Variants in PCSK6 observed in about 807,000 individuals in gnomAD.
PCSK6 encodes paired basic amino acid cleaving enzyme 4.
Under a neutral mutation model 123.3 loss-of-function variants are expected in PCSK6, and 85 were observed. The observed-to-expected ratio is 0.69, with a 90% CI of 0.58 to 0.83. The LOEUF is 0.83. PCSK6 is among the 40% of genes least tolerant of loss of function. The pLI is 0.00. For missense variants in PCSK6, 1,191 were observed against 1,282.3 expected (o/e 0.93, Z 1.09); for synonymous variants, 508 against 516.0 (o/e 0.98, Z 0.21).
intron 1 of PCSK6, among the ~76,000 whole-genome samples, chr15:101,470,951 C>T (rs745698866): frequency 2.0e-5 from 3 of 152,176 alleles, no homozygotes; most frequent in Non-Finnish European, 2.9e-5. Flanking sequence ...GGAGCAAGAC[C>T]GAGAAGATAA....
At chr15:101,337,895 A>G (rs1246718526) in intron 13 of PCSK6, among the ~76,000 whole-genome samples, 1 of 152,238 alleles carries the variant, frequency 6.6e-6, no homozygotes, top group Non-Finnish European at 1.5e-5. Context: ...ATGATAGGTT[A>G]TGACAGAACG....
intron 2 of PCSK6, among the ~76,000 whole-genome samples, chr15:101,442,299 G>T (rs777189693): frequency 6.6e-6 from 1 of 152,048 alleles, no homozygotes; most frequent in Non-Finnish European, 1.5e-5. Flanking sequence ...TATCTCGTTC[G>T]ACTTATCCGT....
At chr15:101,449,176 T>C (rs1288988845) in intron 1 of PCSK6, among the ~76,000 whole-genome samples, 1 of 152,224 alleles carries the variant, frequency 6.6e-6, no homozygotes, top group Non-Finnish European at 1.5e-5. Context: ...CATATTTGCA[T>C]ACAACCTACA....
chr15:101,400,854 A>G (rs2042566100), intron 6 of PCSK6, among the ~76,000 whole-genome samples: 1 of 152,252 alleles, frequency 6.6e-6, no homozygotes, highest in Non-Finnish European at 1.5e-5. Context: ...ATTTCGCTGC[A>G]GTAAATTCTT....
chr15:101,318,475 G>A (rs1432773795), intron 18 of PCSK6, 53 bp from the exon 19 acceptor site: 1 of 1,417,778 alleles, frequency 7.1e-7, no homozygotes, highest in Non-Finnish European at 9.8e-7. Flanking sequence ...GTCTAATTAT[G>A]ACTTGCCCTC....
chr15:101,484,222 C>T (rs992539225), intron 1 of PCSK6, among the ~76,000 whole-genome samples: 2 of 152,162 alleles, frequency 1.3e-5, no homozygotes, highest in Non-Finnish European at 2.9e-5. Flanking sequence ...TAAAGCAGTA[C>T]ACTGCAGATA....
At chr15:101,312,575 A>C (rs545455634) in intron 20 of PCSK6, among the ~76,000 whole-genome samples, 5 of 152,374 alleles carry the variant, frequency 3.3e-5, no homozygotes, top group African/African-American at 1.2e-4. Context: ...TCACACCCGT[A>C]ATCCCAGCAC....
chr15:101,318,609 G>T (rs2040048111), intron 18 of PCSK6, among the ~76,000 whole-genome samples, 187 bp from the exon 19 acceptor site: 1 of 152,230 alleles, frequency 6.6e-6, no homozygotes, highest in Admixed American at 6.5e-5. Flanking sequence ...GCAGGAAGGG[G>T]TACAAGGCCC....
chr15:101,443,644 T>A lies in PCSK6; in HGVS notation c.314A>T (p.Asp105Val), dbSNP rs754269706. Residue 105 changes from aspartate (D) to valine (V), a missense_variant, in exon 2 of 22, where the codon GAT (aspartate) becomes GTT (valine). By Grantham distance (152) the Asp-to-Val change is radical (BLOSUM62 -3). This residue lies in a region of PCSK6 where 204 missense variants were observed against 166.4 expected (regional missense o/e 1.23). Coordinates refer to ENST00000611716, the MANE Select transcript of PCSK6 (RefSeq NM_002570.5). ...LNLGQIGNLEDYYHFYHSKTF... is the reference protein window; with the variant it reads ...LNLGQIGNLEVYYHFYHSKTF... Reference sequence around the variant, plus strand: ...TTTGCTGTGATAAAAATGGTAGTAATCTTCCAGGTTTCCAATCTGCAAGAC... The same window carrying A: ...TTTGCTGTGATAAAAATGGTAGTAAACTTCCAGGTTTCCAATCTGCAAGAC... The A allele has an allele frequency of 5.6e-6, 9 of 1,613,552 alleles. No individual in the cohort carries two copies. In the South Asian group the frequency reaches 9.9e-5, roughly 18 times the overall value.
At chr15:101,450,133 C>T (rs556571482) in intron 1 of PCSK6, among the ~76,000 whole-genome samples, 49 of 152,254 alleles carry the variant, frequency 3.2e-4, no homozygotes, top group African/African-American at 1.1e-3. Context: ...CTCCCAAACC[C>T]GCTCCCCTCA....
At chr15:101,406,388 G>T (rs575899957) in intron 6 of PCSK6, among the ~76,000 whole-genome samples, 1 of 152,192 alleles carries the variant, frequency 6.6e-6, no homozygotes, top group Non-Finnish European at 1.5e-5. Context: ...CAATGAACAG[G>T]AGCAAATAAA....
intron 11 of PCSK6, among the ~76,000 whole-genome samples, chr15:101,373,199 C>T (rs974203611): frequency 3.3e-5 from 5 of 152,164 alleles, no homozygotes; most frequent in African/African-American, 7.2e-5. Context: ...CCGCCAGCCC[C>T]GCTGCTGCTG....
intron 13 of PCSK6, among the ~76,000 whole-genome samples, chr15:101,342,550 T>C (rs1253721436): frequency 9.2e-5 from 14 of 152,264 alleles, no homozygotes; most frequent in Non-Finnish European, 1.9e-4. Context: ...TGTTCTTGAG[T>C]GAGATTGGCT....
intron 20 of PCSK6, 119 bp downstream of exon 20, chr15:101,313,257 C>T: frequency 6.3e-7 from 1 of 1,575,528 alleles, no homozygotes. Context: ...CTCCTGTCCA[C>T]AGTGGGGTGA....
intron 9 of PCSK6, among the ~76,000 whole-genome samples, chr15:101,386,549 C>T (rs948255853): frequency 6.6e-6 from 1 of 152,196 alleles, no homozygotes; most frequent in African/African-American, 2.4e-5. Context: ...AGGCACCACG[C>T]TACTTTCTGT....
intron 2 of PCSK6, among the ~76,000 whole-genome samples, chr15:101,441,475 C>T (rs2056752665): frequency 6.6e-6 from 1 of 152,044 alleles, no homozygotes; most frequent in Admixed American, 6.6e-5. Flanking sequence ...CTGCATTACT[C>T]AGGCACAGGG....
At chr15:101,485,865 C>G (rs1245711323) in intron 1 of PCSK6, among the ~76,000 whole-genome samples, 1 of 151,922 alleles carries the variant, frequency 6.6e-6, no homozygotes, top group Non-Finnish European at 1.5e-5. Context: ...ACAGCTTAAA[C>G]TAGATTACAT....
At chr15:101,364,351 T>A (rs1015126856) in intron 13 of PCSK6, among the ~76,000 whole-genome samples, 1 of 152,242 alleles carries the variant, frequency 6.6e-6, no homozygotes, top group East Asian at 1.9e-4. Flanking sequence ...TTTATAGACC[T>A]TTGTGGGTAA....
At chr15:101,422,931 C>G (rs1040713578) in intron 6 of PCSK6, among the ~76,000 whole-genome samples, 3 of 152,088 alleles carry the variant, frequency 2.0e-5, no homozygotes, top group Non-Finnish European at 4.4e-5. Flanking sequence ...AAGAAAGAAA[C>G]TTAATGATAT....
Sources: allele counts gnomAD v4.1 joint callset (sites outside exome capture counted in the v4.1 genomes callset), GRCh38; gene constraint gnomAD v4.1.1; regional missense constraint gnomAD v4.1.1; transcripts MANE v1.5; gene names NCBI Gene and HGNC (gene_info 2026-07-23, HGNC 2026-07-21).